Variants in ACSL3 observed in about 807,000 individuals in gnomAD.
ACSL3 encodes fatty acid CoA ligase Acsl3.
A neutral mutation model predicts 84.7 loss-of-function variants in ACSL3; 34 were observed. That is an observed-to-expected ratio of 0.40 (90% CI 0.31 to 0.53). The LOEUF is 0.53. Among genes scored for constraint, ACSL3 ranks in the 20% least tolerant of loss-of-function variants. The pLI, the probability that ACSL3 is intolerant of heterozygous loss-of-function variation, is 0.48. For missense variants in ACSL3, 680 were observed against 873.1 expected, an observed-to-expected ratio of 0.78 and a Z score of 2.79; for synonymous variants, 315 against 299.4, an observed-to-expected ratio of 1.05 and a Z score of -0.54.
chr2:222,876,586 T>A (rs1286064377), intron 1 of ACSL3, among the ~76,000 whole-genome samples: 1 of 152,214 alleles, frequency 6.6e-6, no homozygotes, highest in African/African-American at 2.4e-5. Context: ...TTACCCAAAC[T>A]GTTGGGATTA....
rs1697405486 is a variant in ACSL3, at chr2:222,944,329, A to G, written c.*2675A>G. 6.6e-6 allele frequency: 1 copy of G among 152,164 alleles called. No individual in the cohort carries two copies. The highest frequency in any genetic ancestry group is 2.1e-4 in the South Asian group (1 of 4,834). The allele number at this position is 152,164 out of a possible 1,614,324, so 9.4% of individuals were successfully genotyped here. A position where few individuals can be genotyped will look rare whatever the true frequency, so the allele number is the denominator to read the frequency against. ...CCAGTCCCTGTGATACAACTTTGAA[A>G]AAACTTTTAAAAATCTCTGATGTGT... On this transcript the variant is annotated 3_prime_UTR_variant, in exon 17 of 17. Transcript: ENST00000357430.
Position 222,909,095 on chromosome 2 carries a change from G to A in ACSL3, c.323G>A (p.Arg108His), listed in dbSNP as rs199823320. 40 of 1,604,528 alleles carry A rather than the reference G, an allele frequency of 2.5e-5. No individual in the cohort carries two copies. The highest frequency in any genetic ancestry group is 1.8e-4 in the Admixed American group (10 of 57,118). The change falls in exon 4 of 17, where the codon CGT becomes CAT. Residue 108 changes from arginine (R) to histidine (H), a missense_variant. Physicochemically the swap from Arg to His is conservative, Grantham distance 29 (BLOSUM62 0). Transcript: ENST00000357430. ...KFKNKRLLGT[R>H]EVLNEEDEVQ... is the part of the protein sequence containing the mutation. ...AAGAACAAAAGACTCTTGGGAACAC[G>A]TGAAGTTTTAAATGAGGAAGATGAA... is the stretch of plus-strand genomic sequence containing the variant.
chr2:222,881,516 A>G (rs1217410704), intron 1 of ACSL3, among the ~76,000 whole-genome samples: 1 of 151,602 alleles, frequency 6.6e-6, no homozygotes, highest in African/African-American at 2.4e-5. Context: ...ATTGATATTC[A>G]CTCCCCGCCC....
chr2:222,928,739 C>G, intron 12 of ACSL3, 123 bp from the exon 13 acceptor site: 2 of 846,856 alleles, frequency 2.4e-6, no homozygotes. Flanking sequence ...GTGACTTCTG[C>G]TTTTAAGGAA....
At chr2:222,886,911 C>T (rs1420903379) in intron 1 of ACSL3, among the ~76,000 whole-genome samples, 2 of 152,162 alleles carry the variant, frequency 1.3e-5, no homozygotes, top group Non-Finnish European at 2.9e-5. Flanking sequence ...ACTGATGAAC[C>T]TACATTGACA....
At chr2:222,915,330 A>G (rs181198415) in intron 4 of ACSL3, among the ~76,000 whole-genome samples, 12 of 152,326 alleles carry the variant, frequency 7.9e-5, no homozygotes, top group Non-Finnish European at 1.5e-4. Context: ...TTAAATGCGT[A>G]ATTGCATGGG....
intron 1 of ACSL3, among the ~76,000 whole-genome samples, chr2:222,863,616 A>T (rs77752566): frequency 5.3e-5 from 8 of 152,148 alleles, no homozygotes; most frequent in African/African-American, 1.9e-4. Context: ...GATTTTTTTT[A>T]GGAAAGCTAG....
chr2:222,872,400 A>T (rs1695328810), intron 1 of ACSL3, among the ~76,000 whole-genome samples: 1 of 152,194 alleles, frequency 6.6e-6, no homozygotes, highest in Non-Finnish European at 1.5e-5. Flanking sequence ...TGCTGGGATT[A>T]CAGGTGCTCC....
intron 3 of ACSL3, among the ~76,000 whole-genome samples, chr2:222,908,463 C>A (rs1407872467): frequency 2.0e-5 from 3 of 152,146 alleles, no homozygotes; most frequent in Non-Finnish European, 4.4e-5. Context: ...GACTTGCTCC[C>A]TTTTTACTAC....
At chr2:222,941,129 T>C (rs1697294224) in intron 16 of ACSL3, among the ~76,000 whole-genome samples, 1 of 152,126 alleles carries the variant, frequency 6.6e-6, no homozygotes. Flanking sequence ...AAGGTCTCGC[T>C]ATGTTACCGA....
intron 12 of ACSL3, 110 bp from the exon 13 acceptor site, chr2:222,928,752 G>T (rs937783623): frequency 4.3e-5 from 39 of 914,888 alleles, no homozygotes; most frequent in Non-Finnish European, 6.2e-5. Context: ...TTAAGGAATA[G>T]CTGGGGATAC....
chr2:222,936,440 C>A (rs1215214405), intron 16 of ACSL3, among the ~76,000 whole-genome samples: 1 of 152,068 alleles, frequency 6.6e-6, no homozygotes, highest in Non-Finnish European at 1.5e-5. Flanking sequence ...TTTCTAATAT[C>A]CATTCTAACA....
chr2:222,934,906 G>T (rs34279120), intron 16 of ACSL3, among the ~76,000 whole-genome samples: 9,938 of 152,204 alleles, frequency 0.065, 425 homozygotes, highest in Middle Eastern at 0.11. Context: ...GAATGTTCTT[G>T]TCTCTGCAAC....
chr2:222,890,728 G>A (rs1695825665), intron 2 of ACSL3, among the ~76,000 whole-genome samples: 1 of 152,140 alleles, frequency 6.6e-6, no homozygotes, highest in Non-Finnish European at 1.5e-5. Flanking sequence ...TGCAACCTCT[G>A]CCTCCCAGAC....
Position 222,924,514 on chromosome 2 carries a change from T to C in ACSL3, c.1211T>C (p.Phe404Ser), listed in dbSNP as rs1696823678. Residue 404 changes from phenylalanine (F) to serine (S), a missense_variant, in exon 11 of 17, where the codon TTT (phenylalanine) becomes TCT (serine). Phe to Ser is a radical substitution (Grantham distance 155). Coordinates refer to ENST00000357430, the MANE Select transcript of ACSL3 (RefSeq NM_004457.5). ...AATAAAGTCAGTGAAATGAGTAGTT[T>C]TCAACGTAATCTGTTTATTCTGGCC... ...VMNKVSEMSS[F>S]QRNLFILAYN... 6.2e-7 allele frequency: 1 copy of C among 1,610,696 alleles called. No individual in the cohort carries two copies. The highest frequency in any genetic ancestry group is 1.3e-5 in the African/African-American group (1 of 74,760).
At chr2:222,901,438 CATCTTA>C (rs1696146692) in intron 3 of ACSL3, among the ~76,000 whole-genome samples, 1 of 152,126 alleles carries the variant, frequency 6.6e-6, no homozygotes, top group Non-Finnish European at 1.5e-5. Flanking sequence ...AGTACCACAC[CATCTTA>C]ATTACTTTTC....
At chr2:222,877,321 A>C (rs1348753464) in intron 1 of ACSL3, among the ~76,000 whole-genome samples, 1 of 152,154 alleles carries the variant, frequency 6.6e-6, no homozygotes, top group Non-Finnish European at 1.5e-5. Flanking sequence ...GTTTTTTAAA[A>C]GTTAGTTTTG....
chr2:222,927,250 A>T, intron 12 of ACSL3, 61 bp downstream of exon 12: 1 of 1,563,052 alleles, frequency 6.4e-7, no homozygotes, highest in Non-Finnish European at 8.8e-7. Flanking sequence ...GGGGTATGGG[A>T]TATTTTCTGC....
chr2:222,940,051 G>T (rs1697265428), intron 16 of ACSL3, among the ~76,000 whole-genome samples: 1 of 152,176 alleles, frequency 6.6e-6, no homozygotes. Flanking sequence ...AGAAAAATAA[G>T]TCAGTCCTAC....
Sources: allele counts gnomAD v4.1 joint callset (sites outside exome capture counted in the v4.1 genomes callset), GRCh38; gene constraint gnomAD v4.1.1; transcripts MANE v1.5; gene names NCBI Gene and HGNC (gene_info 2026-07-23, HGNC 2026-07-21).